The following DSCAML1 variants were observed in gnomAD, a reference collection of about 807,000 sequenced individuals.
DSCAML1 encodes cell adhesion molecule DSCAML1.
DSCAML1 carries 38 observed loss-of-function variants against 200.5 expected under a neutral mutation model. The observed-to-expected ratio is 0.19, with a 90% confidence interval of 0.15 to 0.25. DSCAML1 has a LOEUF of 0.25. DSCAML1 is among the 10% of genes least tolerant of loss of function. The pLI is 1.00. For synonymous variants in DSCAML1, 1,215 were observed against 1,165.0 expected (o/e 1.04, Z -0.87); for missense variants, 2,223 against 2,858.8 (o/e 0.78, Z 5.07).
At chr11:117,535,557 G>A (rs1012052461) in intron 3 of DSCAML1, among the ~76,000 whole-genome samples, 1 of 152,188 alleles carries the variant, frequency 6.6e-6, no homozygotes, top group Non-Finnish European at 1.5e-5. Flanking sequence ...GGCTGTCAGA[G>A]GAACCGAGGA....
At chr11:117,644,849 G>C (rs901182114) in intron 3 of DSCAML1, among the ~76,000 whole-genome samples, 22 of 152,216 alleles carry the variant, frequency 1.4e-4, no homozygotes, top group African/African-American at 5.1e-4. Flanking sequence ...AGCAGGGCTG[G>C]CTGGCCAAGG....
chr11:117,519,505 G>T (rs186509513), intron 6 of DSCAML1, among the ~76,000 whole-genome samples: 89 of 152,286 alleles, frequency 5.8e-4, no homozygotes, highest in Admixed American at 1.2e-3. Context: ...TTGTTGAAAA[G>T]GATTAAAATA....
At position 117,428,700 on chromosome 11, in the gene DSCAML1, G is replaced by A; in HGVS notation, c.5790C>T (p.Ile1930=). The change falls in exon 33 of 33, where the codon ATC becomes ATT. Residue 1930 remains isoleucine, a synonymous_variant. Transcript: ENST00000651296. ...TGTGGTAGGTTCGAGCCAGGTTCCG[G>A]ATGGAGGCCTCACGGGGTGGGACCA... is the stretch of plus-strand genomic sequence containing the variant. The part of the protein sequence containing the change: ...CPVVPPREAS[I]RNLARTYHTQ... The A allele has an allele frequency of 6.2e-7, 1 of 1,613,210 alleles. No homozygotes were observed. Among genetic ancestry groups the A allele is most frequent in the Non-Finnish European group, 8.5e-7 (1 of 1,179,730 alleles).
At chr11:117,532,666 A>G in intron 3 of DSCAML1, 144 bp from the exon 4 acceptor site, 1 of 853,714 alleles carries the variant, frequency 1.2e-6, no homozygotes. Context: ...TTCAGTGTAG[A>G]TGCTCCAGGG....
In DSCAML1 at chr11:117,523,367, G is replaced by C. The variant is rs2049915331; in HGVS notation, c.937+1438C>G. Among the ~76,000 whole-genome samples the C allele has an allele frequency of 2.0e-5, 3 of 152,306 alleles. No homozygotes were observed. In the South Asian group the frequency reaches 6.2e-4, roughly 32 times the overall value. On this transcript the variant is annotated intron_variant, in intron 5 of 32. Coordinates refer to ENST00000651296, the MANE Select transcript of DSCAML1 (RefSeq NM_020693.4). ...AATAAACTTTTTCAGACAGTGCTTA[G>C]GGCAGGAAGGGAGGTGCCAATCCTG...
upstream of DSCAML1, chr11:117,801,934 G>C (rs1157412241): frequency 6.6e-6 from 1 of 152,224 alleles, no homozygotes; most frequent in Non-Finnish European, 1.5e-5. Context: ...GAAATCGGTT[G>C]AGAAGCCAAC....
At chr11:117,677,321 C>A (rs966278574) in intron 3 of DSCAML1, among the ~76,000 whole-genome samples, 1 of 152,136 alleles carries the variant, frequency 6.6e-6, no homozygotes, top group Non-Finnish European at 1.5e-5. Flanking sequence ...ATCACAGCTC[C>A]AGTCTGGGTA....
chr11:117,665,464 G>A (rs1398977496), intron 3 of DSCAML1, among the ~76,000 whole-genome samples: 4 of 152,202 alleles, frequency 2.6e-5, no homozygotes, highest in African/African-American at 9.7e-5. Context: ...GGAACACTCA[G>A]GCAGGAGTGG....
intron 11 of DSCAML1, among the ~76,000 whole-genome samples, chr11:117,491,814 A>C (rs1412510271): frequency 6.6e-6 from 1 of 152,156 alleles, no homozygotes; most frequent in East Asian, 1.9e-4. Flanking sequence ...ATATCAGAGA[A>C]GGCCAGTAGA....
Position 117,463,802 on chromosome 11 carries a change from C to T in DSCAML1, c.3265+1140G>A, listed in dbSNP as rs4938386. The stretch of plus-strand genomic sequence containing the variant: ...CTCAGTGCTCTGGGGCTATTGAAGT[C>T]GGCCCCATCTTAAAGCCCAGCTTTT... On this transcript the variant is annotated intron_variant, in intron 17 of 32. Transcript: ENST00000651296. The surrounding 1 kb of genome is among the most constrained non-coding windows in gnomAD (Gnocchi z 4.0). Among the ~76,000 whole-genome samples, 52,755 of 152,084 alleles carry T rather than the reference C, an allele frequency of 0.35. 10,609 individuals are homozygous for T. Among genetic ancestry groups the T allele is most frequent in the Non-Finnish European group, 0.46 (31,545 of 67,980 alleles).
chr11:117,655,387 C>T (rs951702120), intron 3 of DSCAML1, among the ~76,000 whole-genome samples: 2 of 152,240 alleles, frequency 1.3e-5, no homozygotes, highest in Non-Finnish European at 2.9e-5. Context: ...ATAGACTTTA[C>T]AGGTACTTAC....
chr11:117,732,348 C>A (rs989198888), intron 3 of DSCAML1, among the ~76,000 whole-genome samples: 1 of 152,190 alleles, frequency 6.6e-6, no homozygotes, highest in Non-Finnish European at 1.5e-5. Flanking sequence ...GCAGAGGCAC[C>A]CAGACCTAGG....
At chr11:117,725,801 CACAAA>C (rs72442656) in intron 3 of DSCAML1, among the ~76,000 whole-genome samples, 61,669 of 147,656 alleles carry the variant, frequency 0.42, 13,508 homozygotes, top group South Asian at 0.58. Flanking sequence ...GGTTATGCTA[CACAAA>C]ACAAAACAAA....
chr11:117,527,613 G>A (rs543712478), intron 4 of DSCAML1, among the ~76,000 whole-genome samples: 1 of 152,320 alleles, frequency 6.6e-6, no homozygotes, highest in East Asian at 1.9e-4. Context: ...GACGTACAGG[G>A]ACCTGCCTGG....
At chr11:117,542,357 A>C (rs1333127024) in intron 3 of DSCAML1, among the ~76,000 whole-genome samples, 1 of 150,538 alleles carries the variant, frequency 6.6e-6, no homozygotes, top group Non-Finnish European at 1.5e-5. Context: ...CAACAACAAA[A>C]AAAAAACAGT....
chr11:117,760,196 T>C (rs1565267968), intron 3 of DSCAML1, among the ~76,000 whole-genome samples: 1 of 152,240 alleles, frequency 6.6e-6, no homozygotes, highest in South Asian at 2.1e-4. Flanking sequence ...ATATCATGCA[T>C]ACAGAAAAGC....
intron 3 of DSCAML1, among the ~76,000 whole-genome samples, chr11:117,731,578 G>A (rs1021527027): frequency 4.6e-5 from 7 of 152,248 alleles, no homozygotes; most frequent in African/African-American, 1.7e-4. Context: ...TTCCCCAGGT[G>A]GCCCCCTGGA....
chr11:117,566,390 C>A (rs1009443819), intron 3 of DSCAML1, among the ~76,000 whole-genome samples: 2 of 149,026 alleles, frequency 1.3e-5, no homozygotes, highest in South Asian at 2.2e-4. Flanking sequence ...CTCTGTTACC[C>A]AGGCTGGAGT....
chr11:117,519,227 T>G (rs1051201570), intron 6 of DSCAML1, among the ~76,000 whole-genome samples: 3 of 152,194 alleles, frequency 2.0e-5, no homozygotes, highest in African/African-American at 4.8e-5. Context: ...GAACTACATA[T>G]GGAACCGCCT....
Sources: gnomAD v4.1 joint callset for allele counts (sites outside exome capture counted in the v4.1 genomes callset) on GRCh38, gnomAD v4.1.1 for gene constraint, Gnocchi (gnomAD v3.1) non-coding constraint, MANE v1.5 for transcripts, NCBI Gene and HGNC (gene_info 2026-07-23, HGNC 2026-07-21) for gene names.